The following DNAJC1 variants were observed in gnomAD, a reference collection of about 807,000 sequenced individuals.
The protein encoded by DNAJC1 is DnaJ heat shock protein family (Hsp40) member C1.
A neutral mutation model predicts 76.6 loss-of-function variants in DNAJC1; 58 were observed. The observed-to-expected ratio is 0.76, with a 90% confidence interval of 0.61 to 0.94. The LOEUF (loss-of-function observed/expected upper bound fraction) is 0.94. Among genes scored for constraint, DNAJC1 ranks in the 40% least tolerant of loss-of-function variants. DNAJC1 has a pLI of 0.00. For missense variants in DNAJC1, 689 were observed against 677.3 expected, an observed-to-expected ratio of 1.02 and a Z score of -0.19; for synonymous variants, 258 against 267.9, an observed-to-expected ratio of 0.96 and a Z score of 0.36.
At chr10:21,973,453 C>T (rs1237603872) in intron 1 of DNAJC1, among the ~76,000 whole-genome samples, 1 of 152,148 alleles carries the variant, frequency 6.6e-6, no homozygotes, top group Admixed American at 6.5e-5. Flanking sequence ...CTCTATTGTT[C>T]TATTGTGATC....
chr10:21,897,356 T>C (rs1352432078), intron 7 of DNAJC1, among the ~76,000 whole-genome samples: 2 of 152,246 alleles, frequency 1.3e-5, no homozygotes, highest in Non-Finnish European at 1.5e-5. Context: ...ATCACAATTA[T>C]TGATAGAGGA....
At chr10:21,914,527 T>C (rs944060164) in intron 6 of DNAJC1, among the ~76,000 whole-genome samples, 1 of 152,206 alleles carries the variant, frequency 6.6e-6, no homozygotes, top group Non-Finnish European at 1.5e-5. Flanking sequence ...AAACACTTTG[T>C]TGTCTTATCA....
At chr10:21,797,106 T>TA (rs1208286208) in intron 9 of DNAJC1, among the ~76,000 whole-genome samples, 1 of 152,274 alleles carries the variant, frequency 6.6e-6, no homozygotes, top group Non-Finnish European at 1.5e-5. Flanking sequence ...TTTAATCCAT[T>TA]AAAAAAATTT....
chr10:21,940,032 G>A (rs974911956), intron 1 of DNAJC1, among the ~76,000 whole-genome samples: 3 of 150,612 alleles, frequency 2.0e-5, no homozygotes, highest in African/African-American at 7.3e-5. Context: ...CTAAATAATA[G>A]AGAGATTTAA....
intron 9 of DNAJC1, among the ~76,000 whole-genome samples, chr10:21,793,470 C>A (rs1442262375): frequency 6.6e-6 from 1 of 152,078 alleles, no homozygotes; most frequent in East Asian, 1.9e-4. Flanking sequence ...GCCAGTGCAA[C>A]AAGATATTAA....
At chr10:21,809,473 C>A (rs1156606230) in intron 8 of DNAJC1, among the ~76,000 whole-genome samples, 2 of 151,106 alleles carry the variant, frequency 1.3e-5, no homozygotes, top group East Asian at 1.9e-4. Flanking sequence ...AAATTTTATC[C>A]AAGAAAATAA....
chr10:21,973,675 T>C (rs890820527), intron 1 of DNAJC1, among the ~76,000 whole-genome samples: 7 of 151,776 alleles, frequency 4.6e-5, no homozygotes, highest in African/African-American at 1.5e-4. Context: ...TGAATGTGCA[T>C]AGTTAACAAA....
intron 9 of DNAJC1, among the ~76,000 whole-genome samples, chr10:21,783,432 C>T (rs1834560110): frequency 1.3e-5 from 2 of 152,176 alleles, no homozygotes; most frequent in Admixed American, 1.3e-4. Flanking sequence ...ACATTCCATG[C>T]TCATGGATAG....
chr10:21,770,395 C>CT (rs34881959), intron 9 of DNAJC1, among the ~76,000 whole-genome samples: 1,129 of 107,514 alleles, frequency 0.011, 18 homozygotes, highest in Admixed American at 0.029. Context: ...TTTTTTTCTT[C>CT]TTTTTTTTTT....
Position 21,852,800 on chromosome 10 carries a change from T to A in DNAJC1, c.978+29482A>T, listed in dbSNP as rs181261072. ...ACTATGCTAAGAAACAGGACATAAA[T>A]GAAAAGATATGGTTTGCTCTCCTAA... On this transcript the variant is annotated intron_variant, in intron 8 of 11. Coordinates refer to ENST00000376980, the MANE Select transcript of DNAJC1 (RefSeq NM_022365.4). Among the ~76,000 whole-genome samples the A allele has an allele frequency of 2.6e-3, 402 of 151,862 alleles. 4 individuals carry two copies. Among genetic ancestry groups the A allele is most frequent in the Non-Finnish European group, 2.7e-3 (183 of 67,926 alleles).
intron 9 of DNAJC1, among the ~76,000 whole-genome samples, chr10:21,771,745 G>T (rs1463618293): frequency 6.6e-6 from 1 of 152,176 alleles, no homozygotes; most frequent in East Asian, 1.9e-4. Flanking sequence ...TGATCAGCCT[G>T]CCCTGGCCTC....
In DNAJC1 at chr10:22,003,361, G is replaced by T. The variant is rs1236323704; in HGVS notation, c.74C>A (p.Pro25Gln). 7.1e-7 allele frequency: 1 copy of T among 1,413,718 alleles called. No homozygotes were observed. Among genetic ancestry groups the T allele is most frequent in the African/African-American group, 1.5e-5 (1 of 65,926 alleles). 87.6% of individuals were successfully genotyped at this position (1,413,718 alleles called of 1,614,324 possible). A position where few individuals can be genotyped will look rare whatever the true frequency, so the allele number is the denominator to read the frequency against. The change falls in exon 1 of 12, where the codon CCG becomes CAG. Residue 25 changes from proline to glutamine, a missense_variant. Coordinates refer to ENST00000376980, the MANE Select transcript of DNAJC1 (RefSeq NM_022365.4). ...CCACAGCAGCGGCGTCCGCGGCGGC[G>T]GCGGCGGGAACGGCACCAGCCCGAG... ...RQLGLVPFPP[P>Q]PPRTPLLWLL...
intron 9 of DNAJC1, among the ~76,000 whole-genome samples, chr10:21,773,544 A>G (rs1834415112): frequency 6.6e-6 from 1 of 152,224 alleles, no homozygotes; most frequent in Non-Finnish European, 1.5e-5. Context: ...TTGATGTCCT[A>G]GCATATAGTC....
chr10:21,984,602 C>T (rs7075508), intron 1 of DNAJC1, among the ~76,000 whole-genome samples: 116,908 of 151,754 alleles, frequency 0.77, 45,854 homozygotes, highest in East Asian at 0.99. Flanking sequence ...TATCCAATAA[C>T]ATAGGAGTTC....
At chr10:21,779,564 G>C (rs1367462877) in intron 9 of DNAJC1, among the ~76,000 whole-genome samples, 8 of 152,130 alleles carry the variant, frequency 5.3e-5, no homozygotes, top group Non-Finnish European at 8.8e-5. Flanking sequence ...TTAACAAACA[G>C]AAAGGACATC....
chr10:21,942,671 C>T (rs1423199748), intron 1 of DNAJC1, among the ~76,000 whole-genome samples: 4 of 151,438 alleles, frequency 2.6e-5, no homozygotes, highest in South Asian at 4.2e-4. Context: ...CCGGGTGTGG[C>T]GGCGTGTGCC....
intron 7 of DNAJC1, among the ~76,000 whole-genome samples, chr10:21,888,016 A>G (rs991730892): frequency 1.6e-4 from 25 of 152,212 alleles, no homozygotes; most frequent in African/African-American, 5.5e-4. Flanking sequence ...AGGATCCATA[A>G]GGAACTTCAA....
Position 21,844,736 on chromosome 10 carries a change from T to A in DNAJC1, c.978+37546A>T, listed in dbSNP as rs1041312902. 9.2e-5 allele frequency among the ~76,000 whole-genome samples: 14 copies of A among 152,122 alleles called. 1 individual carries two copies. The highest frequency in any genetic ancestry group is 2.2e-4 in the African/African-American group (9 of 41,422). On this transcript the variant is annotated intron_variant, in intron 8 of 11. Coordinates refer to ENST00000376980, the MANE Select transcript of DNAJC1 (RefSeq NM_022365.4). ...TTAAGAGGAAAAATGGCTGTTTTTT[T>A]AAAAAAATAGATTTTTGGCTGTGCA...
At chr10:21,801,829 C>G (rs1834818349) in intron 9 of DNAJC1, among the ~76,000 whole-genome samples, 1 of 152,172 alleles carries the variant, frequency 6.6e-6, no homozygotes. Context: ...GAGCTCATGT[C>G]TTTTGTGGGA....
Sources: gnomAD v4.1 joint callset for allele counts (sites outside exome capture counted in the v4.1 genomes callset) on GRCh38, gnomAD v4.1.1 for gene constraint, MANE v1.5 for transcripts, NCBI Gene and HGNC (gene_info 2026-07-23, HGNC 2026-07-21) for gene names.